RAPGEF2: variants seen among roughly 807,000 people sequenced by gnomAD.
The protein encoded by RAPGEF2 is Rap guanine nucleotide exchange factor 2.
Under a neutral mutation model 186.7 loss-of-function variants are expected in RAPGEF2, and 54 were observed. That is an observed-to-expected ratio of 0.29 (90% CI 0.23 to 0.36). RAPGEF2 has a LOEUF of 0.36. Ranked by LOEUF, RAPGEF2 falls within the 10% of genes least tolerant of loss-of-function variation. The pLI, the probability that RAPGEF2 is intolerant of heterozygous loss-of-function variation, is 1.00. For synonymous variants in RAPGEF2, 712 were observed against 705.9 expected (o/e 1.01, Z -0.14); for missense variants, 1,532 against 2,045.0 (o/e 0.75, Z 4.84).
intron 3 of RAPGEF2, among the ~76,000 whole-genome samples, chr4:159,195,218 C>G (rs1338361652): frequency 6.6e-6 from 1 of 152,122 alleles, no homozygotes; most frequent in African/African-American, 2.4e-5. Context: ...CATACTTATT[C>G]CCAGAAGAAA....
chr4:159,266,253 G>A (rs1233949486), intron 7 of RAPGEF2, among the ~76,000 whole-genome samples: 1 of 152,090 alleles, frequency 6.6e-6, no homozygotes, highest in Non-Finnish European at 1.5e-5. Flanking sequence ...CTTTAGATAT[G>A]AGGAGAAAGA....
chr4:159,162,241 A>T (rs1052251616), intron 1 of RAPGEF2, among the ~76,000 whole-genome samples: 10 of 149,912 alleles, frequency 6.7e-5, no homozygotes, highest in Middle Eastern at 3.2e-3. Flanking sequence ...AAAAAAAAAA[A>T]TAGCTGGATG....
chr4:159,112,647 T>C (rs549872095), intron 1 of RAPGEF2, among the ~76,000 whole-genome samples: 3 of 152,218 alleles, frequency 2.0e-5, no homozygotes, highest in Admixed American at 6.5e-5. Context: ...CTCTTTGTTA[T>C]AGAATTCTAA....
At chr4:159,190,394 A>G (rs1009030070) in intron 2 of RAPGEF2, among the ~76,000 whole-genome samples, 6 of 152,184 alleles carry the variant, frequency 3.9e-5, no homozygotes, top group African/African-American at 1.4e-4. Context: ...TGGTGGGATA[A>G]TGATAGCTCA....
intron 7 of RAPGEF2, among the ~76,000 whole-genome samples, chr4:159,299,439 A>G (rs1762392471): frequency 6.6e-6 from 1 of 151,852 alleles, no homozygotes. Context: ...TTAAAAAAAA[A>G]AAAAAGACAG....
chr4:159,302,364 G>A (rs1762773997), intron 7 of RAPGEF2, among the ~76,000 whole-genome samples: 1 of 152,054 alleles, frequency 6.6e-6, no homozygotes, highest in Non-Finnish European at 1.5e-5. Context: ...ACACTATGTT[G>A]CATGTCAACC....
At chr4:159,323,259 G>C (rs927143898) in intron 10 of RAPGEF2, among the ~76,000 whole-genome samples, 200 bp from the exon 11 acceptor site, 2 of 152,124 alleles carry the variant, frequency 1.3e-5, no homozygotes, top group South Asian at 2.1e-4. Flanking sequence ...TATACATTCT[G>C]TGCTAGGCAT....
intron 4 of RAPGEF2, among the ~76,000 whole-genome samples, chr4:159,230,300 T>G (rs953558611): frequency 2.6e-5 from 4 of 152,230 alleles, no homozygotes; most frequent in Non-Finnish European, 5.9e-5. Flanking sequence ...TTGATAACTG[T>G]TAACCTACAT....
At chr4:159,350,948 A>G in intron 26 of RAPGEF2, 1 of 1,252,072 alleles carries the variant, frequency 8.0e-7, no homozygotes, top group African/African-American at 1.5e-5. Context: ...CTCAACAGGT[A>G]TTGCTTTACT....
At chr4:159,119,708 G>A in intron 1 of RAPGEF2, among the ~76,000 whole-genome samples, 1 of 152,066 alleles carries the variant, frequency 6.6e-6, no homozygotes, top group South Asian at 2.1e-4. Context: ...TACAAATAGG[G>A]ATAAAAATAC....
chr4:159,189,622 G>T (rs1747907723), intron 2 of RAPGEF2, among the ~76,000 whole-genome samples: 1 of 152,092 alleles, frequency 6.6e-6, no homozygotes, highest in African/African-American at 2.4e-5. Flanking sequence ...TACTATATAG[G>T]CGCCTTTAGA....
At chr4:159,261,034 C>T (rs182649686) in intron 7 of RAPGEF2, among the ~76,000 whole-genome samples, 48 of 151,884 alleles carry the variant, frequency 3.2e-4, no homozygotes, top group South Asian at 1.3e-3. Context: ...GGATTACAGG[C>T]GTGAGCCACT....
intron 7 of RAPGEF2, among the ~76,000 whole-genome samples, chr4:159,255,792 C>A (rs1756090158): frequency 6.6e-6 from 1 of 152,004 alleles, no homozygotes; most frequent in Non-Finnish European, 1.5e-5. Context: ...TTATTAATAT[C>A]TTGTTAATTT....
At chr4:159,166,529 T>C (rs375143213) in intron 1 of RAPGEF2, among the ~76,000 whole-genome samples, 4 of 152,354 alleles carry the variant, frequency 2.6e-5, no homozygotes, top group East Asian at 3.9e-4. Flanking sequence ...TGATCTACTT[T>C]GTAGTTAACC....
rs185735375 is a variant in RAPGEF2 at position 159,269,530 on chromosome 4, A to C, written c.543+25739A>C. On this transcript the variant is annotated intron_variant, in intron 7 of 29. Coordinates refer to ENST00000691494, the MANE Select transcript of RAPGEF2 (RefSeq NM_001394067.2). The stretch of plus-strand genomic sequence containing the variant: ...TTCTTAACGGGGCCTTTGAAATTAA[A>C]CTCTTCTGTAGTCATGATTTTCCAG... 3.0e-3 allele frequency among the ~76,000 whole-genome samples: 460 copies of C among 152,094 alleles called. 3 individuals are homozygous for C. Among genetic ancestry groups the C allele is most frequent in the African/African-American group, 0.01 (417 of 41,484 alleles).
chr4:159,151,906 A>G (rs1257878995), intron 1 of RAPGEF2, among the ~76,000 whole-genome samples: 2 of 152,226 alleles, frequency 1.3e-5, no homozygotes, highest in African/African-American at 2.4e-5. Flanking sequence ...CTAGAGGGAC[A>G]AGGGCCTTTA....
At chr4:159,282,115 G>A (rs1246657117) in intron 7 of RAPGEF2, among the ~76,000 whole-genome samples, 1 of 152,200 alleles carries the variant, frequency 6.6e-6, no homozygotes, top group East Asian at 1.9e-4. Flanking sequence ...CTGACACACG[G>A]TGGCATCCAT....
Position 159,346,940 on chromosome 4 carries a change from C to T in RAPGEF2, c.3654C>T (p.Pro1218=), listed in dbSNP as rs114263056. 784 of 1,614,190 alleles carry T rather than the reference C, an allele frequency of 4.9e-4. 3 individuals are homozygous for T. In the African/African-American group the frequency reaches 9.5e-3, roughly 20 times the overall value. ...AAATCAACCAGGGACTACAGGTTCC[C>T]GCCGTGTCCCTTTATCCTTCACGGA... The part of the protein sequence containing the change: ...AHKINQGLQV[P]AVSLYPSRKK... The change falls in exon 25 of 30, where the codon CCC becomes CCT. Residue 1218 remains proline (P), a synonymous_variant. Coordinates refer to ENST00000691494, the MANE Select transcript of RAPGEF2 (RefSeq NM_001394067.2).
At chr4:159,186,503 A>G (rs990063717) in intron 1 of RAPGEF2, 139 bp from the exon 2 acceptor site, 25 of 441,672 alleles carry the variant, frequency 5.7e-5, no homozygotes, top group South Asian at 1.2e-4. Context: ...AATAATGTTT[A>G]TTTTTACTGT....
Sources: allele counts gnomAD v4.1 joint callset (sites outside exome capture counted in the v4.1 genomes callset), GRCh38; gene constraint gnomAD v4.1.1; transcripts MANE v1.5; gene names NCBI Gene and HGNC (gene_info 2026-07-23, HGNC 2026-07-21).